The following PUDP variants were observed in gnomAD, a reference collection of about 807,000 sequenced individuals.
PUDP encodes pseudouridine-5'-phosphatase.
Under a neutral mutation model 9.4 loss-of-function variants are expected in PUDP, and 8 were observed. The ratio of observed to expected loss-of-function variants is 0.85; its 90% CI spans 0.50 to 1.53. The LOEUF (loss-of-function observed/expected upper bound fraction) is 1.53. Among genes scored for constraint, PUDP ranks in the 40% most tolerant of loss-of-function variants. PUDP has a pLI of 0.00. For synonymous variants in PUDP, 99 were observed against 80.7 expected (o/e 1.23, Z -1.22); for missense variants, 188 against 189.7 (o/e 0.99, Z 0.05).
In PUDP at chrX:7,050,489, A is replaced by G. The variant is rs911893079; in HGVS notation, c.511-17T>C. ...GACAAGGCACTGTAGGAAGAAAAAG[A>G]AAGTCGAGATGGCCTTTTATGGAAC... On this transcript the variant is annotated splice_polypyrimidine_tract_variant and intron_variant, in intron 3 of 3. Coordinates refer to ENST00000381077, the MANE Select transcript of PUDP (RefSeq NM_012080.5). 3 of 1,197,629 alleles carry G rather than the reference A, an allele frequency of 2.5e-6. No homozygotes were observed. The highest frequency in any genetic ancestry group is 4.4e-5 in the Admixed American group (2 of 45,245).
chrX:7,079,681 T>C (rs1328526886), intron 2 of PUDP, among the ~76,000 whole-genome samples: 1 of 112,758 alleles, frequency 8.9e-6, no homozygotes, highest in Non-Finnish European at 1.9e-5. Context: ...TCACAAATAT[T>C]TGGATGTTAC....
intron 3 of PUDP, among the ~76,000 whole-genome samples, chrX:6,761,297 G>A (rs1056688695): frequency 1.8e-5 from 2 of 112,007 alleles, no homozygotes; most frequent in Non-Finnish European, 1.9e-5. Flanking sequence ...CATCTACCCC[G>A]CATGGTTTTC....
chrX:7,000,653 A>C (rs1162888216), intron 1 of PUDP, among the ~76,000 whole-genome samples: 1 of 109,009 alleles, frequency 9.2e-6, no homozygotes, highest in Admixed American at 9.8e-5. Flanking sequence ...AATTACAAAG[A>C]CCAACTCATT....
intron 1 of PUDP, among the ~76,000 whole-genome samples, chrX:7,120,053 T>C (rs780622436): frequency 2.0e-4 from 22 of 110,981 alleles, no homozygotes; most frequent in Non-Finnish European, 4.0e-4. Flanking sequence ...TTACAATACA[T>C]ACATACACAC....
chrX:7,056,713 T>G (rs1407273883), intron 3 of PUDP, among the ~76,000 whole-genome samples: 2 of 110,752 alleles, frequency 1.8e-5, no homozygotes, highest in Non-Finnish European at 3.8e-5. Context: ...GTGAAGATGG[T>G]GGAGGTGTCC....
intron 1 of PUDP, among the ~76,000 whole-genome samples, chrX:7,130,370 T>TACACAC (rs35470120): frequency 2.7e-3 from 285 of 104,251 alleles, no homozygotes; most frequent in African/African-American, 5.7e-3. Flanking sequence ...ATGCACATAC[T>TACACAC]ACACACACAC....
chrX:6,838,208 G>C (rs1926613727), intron 3 of PUDP, among the ~76,000 whole-genome samples: 1 of 112,282 alleles, frequency 8.9e-6, no homozygotes, highest in African/African-American at 3.2e-5. Flanking sequence ...AGTGCTATAT[G>C]GTCAAGGAGA....
At chrX:6,826,127 G>A (rs1926419531) in intron 3 of PUDP, among the ~76,000 whole-genome samples, 1 of 111,590 alleles carries the variant, frequency 9.0e-6, no homozygotes, top group Non-Finnish European at 1.9e-5. Flanking sequence ...GAAGTAGTAT[G>A]CTAGATTTTT....
At chrX:7,063,698 C>T (rs991957021) in intron 3 of PUDP, among the ~76,000 whole-genome samples, 1 of 111,758 alleles carries the variant, frequency 8.9e-6, no homozygotes, top group Non-Finnish European at 1.9e-5. Flanking sequence ...GGCTCGGGTG[C>T]AGTGGTGCAA....
At chrX:6,836,760 G>T (rs993279832) in intron 3 of PUDP, among the ~76,000 whole-genome samples, 1 of 112,174 alleles carries the variant, frequency 8.9e-6, no homozygotes, top group Non-Finnish European at 1.9e-5. Context: ...CTTTTGTCGT[G>T]TAAGAAAACA....
chrX:7,087,034 G>A (rs1281166051), intron 2 of PUDP, among the ~76,000 whole-genome samples: 4 of 111,889 alleles, frequency 3.6e-5, no homozygotes, highest in African/African-American at 6.5e-5. Context: ...CTGAACAGTG[G>A]CAGTCTGAGC....
intron 3 of PUDP, among the ~76,000 whole-genome samples, chrX:6,767,283 C>T (rs1657891991): frequency 8.9e-6 from 1 of 112,547 alleles, no homozygotes; most frequent in South Asian, 3.7e-4. Flanking sequence ...AGTTCCCTTA[C>T]TGTTTGTAAA....
At chrX:6,797,757 T>G (rs964953152) in intron 3 of PUDP, among the ~76,000 whole-genome samples, 2 of 111,620 alleles carry the variant, frequency 1.8e-5, no homozygotes, top group African/African-American at 6.5e-5. Flanking sequence ...GATTGCTGAG[T>G]CACAGAAAAT....
At chrX:6,823,839 C>T (rs1247419164) in intron 3 of PUDP, among the ~76,000 whole-genome samples, 1 of 112,289 alleles carries the variant, frequency 8.9e-6, no homozygotes, top group Non-Finnish European at 1.9e-5. Flanking sequence ...AGGGTAACTT[C>T]CGGACATTGC....
intron 3 of PUDP, among the ~76,000 whole-genome samples, chrX:6,826,055 C>T (rs1926419098): frequency 9.0e-6 from 1 of 111,562 alleles, no homozygotes; most frequent in Admixed American, 9.5e-5. Flanking sequence ...TGTCTCTGAT[C>T]TCATATAAAT....
At chrX:6,776,652 A>G (rs1274938145) in intron 3 of PUDP, among the ~76,000 whole-genome samples, 2 of 112,189 alleles carry the variant, frequency 1.8e-5, no homozygotes, top group African/African-American at 6.5e-5. Context: ...AGGGGATTCT[A>G]AAGTTTGAGA....
chrX:6,852,328 A>G (rs1926837968), intron 3 of PUDP, among the ~76,000 whole-genome samples: 1 of 112,422 alleles, frequency 8.9e-6, no homozygotes, highest in Non-Finnish European at 1.9e-5. Flanking sequence ...TGCAAGGCCA[A>G]TCGGGCTGAT....
At chrX:6,877,556 A>G (rs925141527) in intron 3 of PUDP, among the ~76,000 whole-genome samples, 1 of 110,953 alleles carries the variant, frequency 9.0e-6, no homozygotes, top group Non-Finnish European at 1.9e-5. Flanking sequence ...TGGGGTGGAG[A>G]GGGGATGGTG....
At chrX:7,066,329 C>T (rs1278461466) in intron 3 of PUDP, among the ~76,000 whole-genome samples, 1 of 111,117 alleles carries the variant, frequency 9.0e-6, no homozygotes, top group Non-Finnish European at 1.9e-5. Flanking sequence ...GAGTGACAGT[C>T]CAGAAATAAA....
Sources: gnomAD v4.1 joint callset for allele counts (sites outside exome capture counted in the v4.1 genomes callset) on GRCh38, gnomAD v4.1.1 for gene constraint, MANE v1.5 for transcripts, NCBI Gene and HGNC (gene_info 2026-07-23, HGNC 2026-07-21) for gene names.